KLF12: variants seen among roughly 807,000 people sequenced by gnomAD.
The protein encoded by KLF12 is Krueppel-like factor 12.
Under a neutral mutation model 37.8 loss-of-function variants are expected in KLF12, and 9 were observed. The ratio of observed to expected loss-of-function variants is 0.24; its 90% CI spans 0.14 to 0.42. The LOEUF (loss-of-function observed/expected upper bound fraction) is 0.42. KLF12 is among the 10% of genes least tolerant of loss of function. The probability of loss-of-function intolerance (pLI) is 1.00; values close to 1 mark genes in which losing one functional copy is unlikely to be tolerated. For missense variants in KLF12, 411 were observed against 516.0 expected (o/e 0.80, Z 1.97); for synonymous variants, 208 against 202.1 (o/e 1.03, Z -0.25).
At chr13:74,254,647 G>A in the KLF12 span, among the ~76,000 whole-genome samples, 1 of 152,146 alleles carries the variant, frequency 6.6e-6, no homozygotes, top group African/African-American at 2.4e-5. Context: ...TGCTTCTAAG[G>A]TGGTAAAGTT....
chr13:74,241,907 C>G, the KLF12 span, among the ~76,000 whole-genome samples: 128 of 152,300 alleles, frequency 8.4e-4, 1 homozygote, highest in African/African-American at 3.0e-3. Context: ...CCGTCTTCTG[C>G]GTCGCTCACG....
At chr13:73,916,229 ACACACACACACGCACACG>A (rs1888828188) in intron 3 of KLF12, among the ~76,000 whole-genome samples, 1 of 74,424 alleles carries the variant, frequency 1.3e-5, no homozygotes, top group African/African-American at 4.4e-5. Flanking sequence ...ACACACACAC[ACACACACACACGCACACG>A]CACACACACA....
Position 73,900,212 on chromosome 13 carries a change from T to C in KLF12, c.123+43769A>G, listed in dbSNP as rs1347921605. On this transcript the variant is annotated intron_variant, in intron 3 of 7. Transcript: ENST00000377669. ...TCCGGTCGTCATAAGGGATTTAGCATACAAGAAAATTAAATTATCCAAGGA... is the reference window on the plus strand; with the variant it reads ...TCCGGTCGTCATAAGGGATTTAGCACACAAGAAAATTAAATTATCCAAGGA... Among the ~76,000 whole-genome samples the C allele has an allele frequency of 2.0e-5, 3 of 152,290 alleles. No individual in the cohort carries two copies. The East Asian group carries it at 5.8e-4, about 29-fold the overall frequency.
intron 1 of KLF12, among the ~76,000 whole-genome samples, chr13:74,101,401 C>G (rs1440606786): frequency 6.6e-6 from 1 of 152,104 alleles, no homozygotes; most frequent in Non-Finnish European, 1.5e-5. Context: ...GACTCAAGAT[C>G]AACTCTTCAG....
At chr13:73,905,240 TTC>T (rs1192978970) in intron 3 of KLF12, among the ~76,000 whole-genome samples, 1 of 152,220 alleles carries the variant, frequency 6.6e-6, no homozygotes, top group Non-Finnish European at 1.5e-5. Context: ...TTACCATTGC[TTC>T]TCTGTTATTC....
At chr13:73,985,656 C>G (rs1263430902) in intron 2 of KLF12, among the ~76,000 whole-genome samples, 3 of 152,102 alleles carry the variant, frequency 2.0e-5, no homozygotes, top group Non-Finnish European at 2.9e-5. Context: ...TTCATTTTCC[C>G]CTAGATGCCA....
chr13:73,761,737 C>T (rs994973086), intron 6 of KLF12, among the ~76,000 whole-genome samples: 2 of 152,092 alleles, frequency 1.3e-5, no homozygotes, highest in African/African-American at 4.8e-5. Flanking sequence ...TGTCTTTTGT[C>T]AGTTTAATTT....
chr13:74,003,368 T>C (rs1035104191), intron 1 of KLF12, among the ~76,000 whole-genome samples: 1 of 152,114 alleles, frequency 6.6e-6, no homozygotes, highest in African/African-American at 2.4e-5. Context: ...ACAAAGAATA[T>C]ATGTAGAGTG....
rs1555336645 is a variant in KLF12 at position 74,060,494 on chromosome 13, G to GTGTGTGTGTGTGTGCGTC, written c.-31-65442_-31-65441insGACGCACACACACACACA. On this transcript the variant is annotated intron_variant, in intron 1 of 7. Coordinates refer to ENST00000377669, the MANE Select transcript of KLF12 (RefSeq NM_007249.5). ...ATGTATACCTAGGTTTTGTGTGTGT[G>GTGTGTGTGTGTGTGCGTC]TGTGTGTGTGTGTGTGTGTGTGTGT... is the stretch of plus-strand genomic sequence containing the variant. Among the ~76,000 whole-genome samples, 301 of 126,168 alleles carry GTGTGTGTGTGTGTGCGTC rather than the reference G, an allele frequency of 2.4e-3. 2 individuals are homozygous for GTGTGTGTGTGTGTGCGTC. Among genetic ancestry groups the GTGTGTGTGTGTGTGCGTC allele is most frequent in the African/African-American group, 8.5e-3 (291 of 34,256 alleles). 82.8% of individuals were successfully genotyped at this position (126,168 alleles called of 152,430 possible).
intron 2 of KLF12, among the ~76,000 whole-genome samples, chr13:73,987,338 T>C (rs1213413207): frequency 6.6e-6 from 1 of 152,162 alleles, no homozygotes; most frequent in African/African-American, 2.4e-5. Flanking sequence ...ATAGATATTA[T>C]ACTTCAATAA....
chr13:74,130,531 C>T (rs1878201590), intron 1 of KLF12, among the ~76,000 whole-genome samples: 1 of 151,924 alleles, frequency 6.6e-6, no homozygotes, highest in South Asian at 2.1e-4. Context: ...GCAGTGTGCA[C>T]CTGTAGTCCT....
At chr13:73,851,662 C>A (rs759906430) in intron 3 of KLF12, among the ~76,000 whole-genome samples, 4 of 152,128 alleles carry the variant, frequency 2.6e-5, no homozygotes, top group Non-Finnish European at 5.9e-5. Context: ...TGAGACAATA[C>A]AGGAGCATAT....
At chr13:73,959,249 T>C (rs1379953203) in intron 2 of KLF12, among the ~76,000 whole-genome samples, 1 of 151,762 alleles carries the variant, frequency 6.6e-6, no homozygotes, top group Non-Finnish European at 1.5e-5. Flanking sequence ...CTACCCCACA[T>C]AAAACTTGTT....
intron 1 of KLF12, among the ~76,000 whole-genome samples, chr13:74,077,481 G>T (rs183577626): frequency 2.0e-5 from 3 of 152,074 alleles, no homozygotes; most frequent in Non-Finnish European, 4.4e-5. Context: ...ATAATAATTA[G>T]GGGGCAGGGG....
At chr13:74,203,269 T>C in the KLF12 span, among the ~76,000 whole-genome samples, 2 of 152,114 alleles carry the variant, frequency 1.3e-5, no homozygotes, top group African/African-American at 2.4e-5. Flanking sequence ...TCATTACACA[T>C]AGATTGCAGA....
intron 2 of KLF12, among the ~76,000 whole-genome samples, chr13:73,993,979 C>A (rs1892038521): frequency 6.6e-6 from 1 of 152,206 alleles, no homozygotes; most frequent in Non-Finnish European, 1.5e-5. Flanking sequence ...ACACTGAGGT[C>A]ATGAAAAAGA....
the KLF12 span, among the ~76,000 whole-genome samples, chr13:74,297,038 G>C: frequency 6.7e-6 from 1 of 148,712 alleles, no homozygotes; most frequent in Admixed American, 6.8e-5. Flanking sequence ...GTTCTCATGG[G>C]GGGGACTCTT....
At chr13:73,735,886 T>A (rs1246824140) in intron 6 of KLF12, among the ~76,000 whole-genome samples, 1 of 151,928 alleles carries the variant, frequency 6.6e-6, no homozygotes, top group African/African-American at 2.4e-5. Flanking sequence ...GCCAACTGGG[T>A]CAAGATTTTG....
intron 5 of KLF12, among the ~76,000 whole-genome samples, chr13:73,786,483 C>T (rs76771224): frequency 5.9e-5 from 9 of 152,054 alleles, no homozygotes; most frequent in Non-Finnish European, 1.3e-4. Flanking sequence ...AAACCTTTTC[C>T]CCTAGGCTTG....
Sources: gnomAD v4.1 joint callset for allele counts (sites outside exome capture counted in the v4.1 genomes callset) on GRCh38, gnomAD v4.1.1 for gene constraint, MANE v1.5 for transcripts, NCBI Gene and HGNC (gene_info 2026-07-23, HGNC 2026-07-21) for gene names.